Variants in ERC1 observed in about 807,000 individuals in gnomAD.
ERC1 encodes RAB6 interacting protein 2.
ERC1 carries 56 observed loss-of-function variants against 132.0 expected under a neutral mutation model. That is an observed-to-expected ratio of 0.42 (90% confidence interval 0.34 to 0.53). The LOEUF (loss-of-function observed/expected upper bound fraction) is 0.53. Ranked by LOEUF, ERC1 falls within the 20% of genes least tolerant of loss-of-function variation. The pLI, the probability that ERC1 is intolerant of heterozygous loss-of-function variation, is 0.03. For missense variants in ERC1, 1,202 were observed against 1,349.9 expected (o/e 0.89, Z 1.72); for synonymous variants, 478 against 476.1 (o/e 1.00, Z -0.05).
chr12:1,420,004 TTGG>T (rs1054861175), intron 17 of ERC1, among the ~76,000 whole-genome samples: 5 of 152,136 alleles, frequency 3.3e-5, no homozygotes, highest in African/African-American at 1.2e-4. Context: ...CCTTGAGGCT[TTGG>T]TTTAGCCTTT....
chr12:1,266,647 C>T (rs140110369), intron 14 of ERC1, among the ~76,000 whole-genome samples: 2 of 151,830 alleles, frequency 1.3e-5, no homozygotes, highest in African/African-American at 4.8e-5. Context: ...TCAAGTGATC[C>T]GCCCGCCTCG....
chr12:1,104,479 A>G (rs749477086), intron 3 of ERC1, among the ~76,000 whole-genome samples: 2 of 152,206 alleles, frequency 1.3e-5, no homozygotes, highest in African/African-American at 2.4e-5. Flanking sequence ...GTGAAATCGT[A>G]GTTTCAGCTG....
intron 17 of ERC1, among the ~76,000 whole-genome samples, chr12:1,426,364 C>T (rs1591981488): frequency 6.6e-6 from 1 of 152,128 alleles, no homozygotes; most frequent in Non-Finnish European, 1.5e-5. Context: ...CTCAACCTCC[C>T]AAAATGCTGG....
intron 7 of ERC1, among the ~76,000 whole-genome samples, chr12:1,119,246 T>C (rs1451091658): frequency 7.0e-6 from 1 of 142,232 alleles, no homozygotes. Flanking sequence ...TGTTTGTTTT[T>C]TGTTTTGTTT....
intron 2 of ERC1, among the ~76,000 whole-genome samples, chr12:1,044,348 A>T (rs1592912731): frequency 6.6e-6 from 1 of 152,222 alleles, no homozygotes; most frequent in South Asian, 2.1e-4. Context: ...ATAATGCCCA[A>T]ATTCAAAACT....
intron 15 of ERC1, among the ~76,000 whole-genome samples, chr12:1,338,680 ATCT>A (rs1332365092): frequency 1.3e-5 from 2 of 150,428 alleles, no homozygotes; most frequent in Non-Finnish European, 3.0e-5. Flanking sequence ...TGTTTGTTCA[ATCT>A]TTGAACTTGC....
intron 15 of ERC1, among the ~76,000 whole-genome samples, chr12:1,358,646 A>G (rs2154369673): frequency 1.3e-5 from 2 of 152,276 alleles, no homozygotes; most frequent in South Asian, 4.1e-4. Context: ...ACCATTGTAA[A>G]GCAAATCTGA....
At chr12:1,388,701 G>A (rs1394384643) in intron 16 of ERC1, among the ~76,000 whole-genome samples, 6 of 152,270 alleles carry the variant, frequency 3.9e-5, no homozygotes, top group East Asian at 3.9e-4. Context: ...GTTAAGGGGA[G>A]CCTGGAGTAA....
intron 7 of ERC1, 79 bp from the exon 8 acceptor site, chr12:1,141,541 C>G: frequency 8.2e-7 from 1 of 1,215,596 alleles, no homozygotes; most frequent in Non-Finnish European, 1.1e-6. Context: ...CTCTTTATAA[C>G]CTTTATAACA....
chr12:1,235,754 G>A (rs895741240), intron 12 of ERC1, among the ~76,000 whole-genome samples: 3 of 152,118 alleles, frequency 2.0e-5, no homozygotes, highest in Admixed American at 6.6e-5. Flanking sequence ...AATTAATATA[G>A]CTTCTTGGAA....
intron 16 of ERC1, among the ~76,000 whole-genome samples, chr12:1,378,178 G>C (rs775365600): frequency 6.6e-6 from 1 of 152,182 alleles, no homozygotes; most frequent in Non-Finnish European, 1.5e-5. Context: ...TTGATCTGAA[G>C]AATGTAGGGG....
chr12:1,361,247 G>A (rs892156284), intron 15 of ERC1, among the ~76,000 whole-genome samples: 2 of 136,722 alleles, frequency 1.5e-5, no homozygotes, highest in Non-Finnish European at 3.0e-5. Context: ...ATCACACACC[G>A]GGGACTGTTG....
At chr12:1,460,265 A>G (rs1463513599) in intron 18 of ERC1, among the ~76,000 whole-genome samples, 5 of 152,352 alleles carry the variant, frequency 3.3e-5, no homozygotes, top group Admixed American at 6.5e-5. Context: ...AAATCAGTAA[A>G]CTAGGATTAA....
intron 15 of ERC1, among the ~76,000 whole-genome samples, chr12:1,308,811 G>A (rs1168050755): frequency 6.6e-6 from 1 of 152,200 alleles, no homozygotes; most frequent in Non-Finnish European, 1.5e-5. Flanking sequence ...TGTGCTTTTA[G>A]TCACAGTGCT....
At chr12:1,132,470 ACT>A (rs1948856532) in intron 7 of ERC1, among the ~76,000 whole-genome samples, 1 of 151,988 alleles carries the variant, frequency 6.6e-6, no homozygotes, top group Admixed American at 6.5e-5. Flanking sequence ...CATACTTGAC[ACT>A]CTCTCAGTGC....
At chr12:1,127,448 A>C (rs1032538387) in intron 7 of ERC1, among the ~76,000 whole-genome samples, 1 of 152,200 alleles carries the variant, frequency 6.6e-6, no homozygotes, top group South Asian at 2.1e-4. Flanking sequence ...AATACTGTAC[A>C]AAAGTCAAAA....
At chr12:1,472,249 G>A (rs1321806642) in intron 18 of ERC1, among the ~76,000 whole-genome samples, 2 of 152,236 alleles carry the variant, frequency 1.3e-5, no homozygotes, top group Admixed American at 6.5e-5. Context: ...CAGTGCAGTT[G>A]CAGAGTTTTC....
At position 1,230,241 on chromosome 12, in the gene ERC1, C is replaced by T. The variant is rs570872122; in HGVS notation, c.2352-6528C>T. ...CTCAAACCCCTGACCTCAAGTGATC[C>T]GCCCACCTCAGTCTCCCAAAGTGCT... On this transcript the variant is annotated intron_variant, in intron 12 of 18. Transcript: ENST00000360905. 2.6e-5 allele frequency among the ~76,000 whole-genome samples: 4 copies of T among 152,228 alleles called. No homozygotes were observed. In the South Asian group the frequency reaches 6.2e-4, roughly 24 times the overall value.
chr12:1,048,729 A>G (rs988935094), intron 2 of ERC1, among the ~76,000 whole-genome samples: 2 of 152,242 alleles, frequency 1.3e-5, no homozygotes, highest in African/African-American at 4.8e-5. Flanking sequence ...ATAGATTTTT[A>G]AATCTGAATT....
Sources: gnomAD v4.1 joint callset for allele counts (sites outside exome capture counted in the v4.1 genomes callset) on GRCh38, gnomAD v4.1.1 for gene constraint, MANE v1.5 for transcripts, NCBI Gene and HGNC (gene_info 2026-07-23, HGNC 2026-07-21) for gene names.